Variants in ABCC4 observed in about 807,000 individuals in gnomAD.
The protein encoded by ABCC4 is ATP binding cassette subfamily C member 4 (PEL blood group).
ABCC4 carries 102 observed loss-of-function variants against 168.5 expected under a neutral mutation model. That is an observed-to-expected ratio of 0.61 (90% confidence interval 0.52 to 0.71). ABCC4 has a LOEUF of 0.71. Ranked by LOEUF, ABCC4 falls within the 30% of genes least tolerant of loss-of-function variation. The pLI, the probability that ABCC4 is intolerant of heterozygous loss-of-function variation, is 0.00. For missense variants in ABCC4, 1,402 were observed against 1,605.8 expected (o/e 0.87, Z 2.17); for synonymous variants, 617 against 590.7 (o/e 1.04, Z -0.65).
At chr13:95,169,629 A>G (rs905665459) in intron 14 of ABCC4, among the ~76,000 whole-genome samples, 1 of 152,094 alleles carries the variant, frequency 6.6e-6, no homozygotes, top group African/African-American at 2.4e-5. Context: ...AGTCCCAGCG[A>G]GGCAACCCCA....
At chr13:95,182,562 T>C (rs2037931821) in intron 11 of ABCC4, among the ~76,000 whole-genome samples, 1 of 152,234 alleles carries the variant, frequency 6.6e-6, no homozygotes, top group Non-Finnish European at 1.5e-5. Flanking sequence ...TCATGTGATT[T>C]TACCCAAAAT....
chr13:95,247,226 C>T lies in ABCC4; in HGVS notation c.186-131G>A, dbSNP rs2040130467. 3 of 994,794 alleles carry T rather than the reference C, an allele frequency of 3.0e-6. No homozygotes were observed. In the South Asian group the frequency reaches 4.9e-5, roughly 16 times the overall value. 61.6% of individuals were successfully genotyped at this position (994,794 alleles called of 1,614,324 possible). A position where few individuals can be genotyped will look rare whatever the true frequency, so the allele number is the denominator to read the frequency against. On this transcript the variant is annotated intron_variant, in intron 2 of 30. Coordinates refer to ENST00000645237, the MANE Select transcript of ABCC4 (RefSeq NM_005845.5). ...ACGATTTCATAAATGCTACTAATTGCTCCCAGGGCTCCTGAAGGTTATGTG... is the reference window on the plus strand; with the variant it reads ...ACGATTTCATAAATGCTACTAATTGTTCCCAGGGCTCCTGAAGGTTATGTG...
intron 4 of ABCC4, among the ~76,000 whole-genome samples, chr13:95,229,518 C>A (rs931576434): frequency 6.6e-6 from 1 of 152,180 alleles, no homozygotes; most frequent in Non-Finnish European, 1.5e-5. Context: ...ACAAGCCAAC[C>A]CAACATCAAA....
chr13:95,134,161 G>A (rs1332644216), intron 19 of ABCC4, among the ~76,000 whole-genome samples: 1 of 152,132 alleles, frequency 6.6e-6, no homozygotes, highest in Non-Finnish European at 1.5e-5. Context: ...CTAGCCCTCT[G>A]TGAGCTTGTA....
At chr13:95,077,942 G>C (rs2139321605) in intron 21 of ABCC4, among the ~76,000 whole-genome samples, 1 of 152,250 alleles carries the variant, frequency 6.6e-6, no homozygotes, top group Non-Finnish European at 1.5e-5. Flanking sequence ...AGGCCGCCAG[G>C]TATGAGACAC....
At chr13:95,294,319 C>T (rs1170238657) in intron 1 of ABCC4, among the ~76,000 whole-genome samples, 6 of 152,052 alleles carry the variant, frequency 3.9e-5, no homozygotes, top group African/African-American at 7.2e-5. Flanking sequence ...GCCGAGATCA[C>T]GCCACTGCAC....
chr13:95,295,310 G>A (rs1416372115), intron 1 of ABCC4, among the ~76,000 whole-genome samples: 1 of 151,764 alleles, frequency 6.6e-6, no homozygotes, highest in African/African-American at 2.4e-5. Context: ...GAAGCCAAGA[G>A]TTTAAGACCA....
chr13:95,258,864 T>C (rs1041764764), intron 1 of ABCC4, among the ~76,000 whole-genome samples: 8 of 152,198 alleles, frequency 5.3e-5, no homozygotes, highest in African/African-American at 7.2e-5. Context: ...GAATAGTGCA[T>C]TGTAAAGTAC....
chr13:95,194,931 A>G lies in ABCC4; in HGVS notation c.1168T>C (p.Leu390=). Residue 390 remains leucine (L), a synonymous_variant, in exon 9 of 31, where the codon TTG becomes CTG. Transcript: ENST00000645237. The part of the protein sequence containing the change: ...IVSIRRIQTF[L]LLDEISQRNR... ...CGCTGTGATATCTCATCAAGTAGCA[A>G]AAAGGTCTAAAGAAAATGGGAAAAA... The G allele has an allele frequency of 6.2e-7, 1 of 1,613,456 alleles. No individual in the cohort carries two copies. Among genetic ancestry groups the G allele is most frequent in the African/African-American group, 1.3e-5 (1 of 75,064 alleles).
At chr13:95,153,774 A>T (rs2036767081) in intron 19 of ABCC4, among the ~76,000 whole-genome samples, 1 of 152,214 alleles carries the variant, frequency 6.6e-6, no homozygotes, top group South Asian at 2.1e-4. Context: ...ATGATGCAAT[A>T]TTTACCAGCT....
chr13:95,177,813 A>G lies in ABCC4; in HGVS notation c.1641-20T>C, dbSNP rs2037757979. On this transcript the variant is annotated intron_variant, in intron 12 of 30. Transcript: ENST00000645237. ...ACTGCTCTAGAAAATACAAAGAGGT[A>G]TCAGACTCTCACCCAGGAACATGAC... is the stretch of plus-strand genomic sequence containing the variant. 1.3e-6 allele frequency: 2 copies of G among 1,594,302 alleles called. No homozygotes were observed. Among genetic ancestry groups the G allele is most frequent in the Middle Eastern group, 1.7e-4 (1 of 6,028 alleles).
At chr13:95,076,910 C>A (rs188460102) in intron 21 of ABCC4, among the ~76,000 whole-genome samples, 1 of 151,764 alleles carries the variant, frequency 6.6e-6, no homozygotes, top group African/African-American at 2.4e-5. Flanking sequence ...GACATGCACA[C>A]CACCGTGCCT....
chr13:95,193,864 T>A (rs1476158870), intron 9 of ABCC4, among the ~76,000 whole-genome samples: 1 of 152,208 alleles, frequency 6.6e-6, no homozygotes, highest in East Asian at 1.9e-4. Flanking sequence ...TCCGATCAGG[T>A]CCAGCTCTGG....
chr13:95,058,261 GCT>G (rs1481869945), intron 26 of ABCC4, among the ~76,000 whole-genome samples: 1 of 152,088 alleles, frequency 6.6e-6, no homozygotes, highest in African/African-American at 2.4e-5. Context: ...CTGTATATTT[GCT>G]CTCTTTGGTT....
At chr13:95,123,292 G>A (rs567618676) in intron 19 of ABCC4, among the ~76,000 whole-genome samples, 3 of 152,124 alleles carry the variant, frequency 2.0e-5, no homozygotes, top group African/African-American at 7.2e-5. Flanking sequence ...ATCAGAACCT[G>A]CTAATTGGAA....
Position 95,157,088 on chromosome 13 carries a change from C to CCACACACACACACACACA in ABCC4, c.2455+4083_2455+4100dup, listed in dbSNP as rs67671921. On this transcript the variant is annotated intron_variant, in intron 19 of 30. Transcript: ENST00000645237. ...GCCTGGGCGACAGAGTGAGACTCTA[C>CCACACACACACACACACA]CACACACACACACACACACACACAC... 3.7e-3 allele frequency among the ~76,000 whole-genome samples: 492 copies of CCACACACACACACACACA among 134,684 alleles called. 4 individuals carry two copies. The highest frequency in any genetic ancestry group is 0.013 in the African/African-American group (444 of 33,532). 88.4% of individuals were successfully genotyped at this position (134,684 alleles called of 152,430 possible).
intron 4 of ABCC4, among the ~76,000 whole-genome samples, chr13:95,215,757 TC>T (rs2039092373): frequency 6.6e-6 from 1 of 152,182 alleles, no homozygotes; most frequent in African/African-American, 2.4e-5. Context: ...AAAGATGACA[TC>T]ATAAGGGAAA....
In ABCC4 at chr13:95,021,387, TTAAATAAAAA is replaced by T; in HGVS notation, c.*178_*187del. The T allele has an allele frequency of 5.7e-6, 3 of 528,814 alleles. No homozygotes were observed. The highest frequency in any genetic ancestry group is 6.7e-6 in the Non-Finnish European group (2 of 300,026). The allele number at this position is 528,814 out of a possible 1,614,324, so 32.8% of individuals were successfully genotyped here. A position where few individuals can be genotyped will look rare whatever the true frequency, so the allele number is the denominator to read the frequency against. The stretch of plus-strand genomic sequence containing the variant: ...GATTTTAAAAAACAACTATTGACAT[TTAAATAAAAA>T]TAAACCATTTTGTTAGAGCTGGAGA... On this transcript the variant is annotated 3_prime_UTR_variant, in exon 31 of 31. Transcript: ENST00000645237.
rs531559084 is a variant in ABCC4, at chr13:95,295,410, A to G, written c.74+5831T>C. Among the ~76,000 whole-genome samples the G allele has an allele frequency of 1.2e-3, 184 of 152,300 alleles. 1 individual carries two copies. Among genetic ancestry groups the G allele is most frequent in the Middle Eastern group, 3.4e-3 (1 of 294 alleles). On this transcript the variant is annotated intron_variant, in intron 1 of 30. Transcript: ENST00000645237. ...CACAGTGGCTCGCCCCCGTAATCCCAGCACTTTGGGAGGCCGAGGTGGGTA... is the reference window on the plus strand; with the variant it reads ...CACAGTGGCTCGCCCCCGTAATCCCGGCACTTTGGGAGGCCGAGGTGGGTA...
Sources: gnomAD v4.1 joint callset for allele counts (sites outside exome capture counted in the v4.1 genomes callset) on GRCh38, gnomAD v4.1.1 for gene constraint, MANE v1.5 for transcripts, NCBI Gene and HGNC (gene_info 2026-07-23, HGNC 2026-07-21) for gene names.